The following CDKAL1 variants were observed in gnomAD, a reference collection of about 807,000 sequenced individuals.
CDKAL1 encodes the protein threonylcarbamoyladenosine tRNA methylthiotransferase.
In CDKAL1, 32 loss-of-function variants were observed where a neutral mutation model predicts 68.2. That is an observed-to-expected ratio of 0.47 (90% CI 0.35 to 0.63). The LOEUF is 0.63. CDKAL1 is among the 30% of genes least tolerant of loss of function. The pLI is 0.00. For missense variants in CDKAL1, 606 were observed against 696.7 expected, an observed-to-expected ratio of 0.87 and a Z score of 1.47; for synonymous variants, 234 against 244.3, an observed-to-expected ratio of 0.96 and a Z score of 0.39.
intron 8 of CDKAL1, among the ~76,000 whole-genome samples, chr6:20,783,506 C>A (rs1261853848): frequency 6.6e-6 from 1 of 152,182 alleles, no homozygotes; most frequent in East Asian, 1.9e-4. Context: ...ACTCCAGATT[C>A]TTCTCTGTCT....
rs1031401508 is a variant in CDKAL1 at position 21,046,558 on chromosome 6, G to A, written c.1056-18490G>A. On this transcript the variant is annotated intron_variant, in intron 11 of 15. Coordinates refer to ENST00000274695, the MANE Select transcript of CDKAL1 (RefSeq NM_017774.3). The stretch of plus-strand genomic sequence containing the variant: ...GGCTGTGGGGAGCTGTGAAGCAGCC[G>A]CAGCTGACAGGCCAGCCAGGCGTGG... Among the ~76,000 whole-genome samples the A allele has an allele frequency of 3.9e-5, 6 of 152,238 alleles. No individual in the cohort carries two copies. The East Asian group carries it at 7.7e-4, about 20-fold the overall frequency.
At chr6:21,167,566 C>A (rs1777203513) in intron 13 of CDKAL1, among the ~76,000 whole-genome samples, 1 of 152,222 alleles carries the variant, frequency 6.6e-6, no homozygotes, top group African/African-American at 2.4e-5. Context: ...CTCTCGTTCA[C>A]ATCAAATTGA....
chr6:20,744,018 CT>C (rs1773565833), intron 6 of CDKAL1, among the ~76,000 whole-genome samples: 1 of 152,094 alleles, frequency 6.6e-6, no homozygotes, highest in African/African-American at 2.4e-5. Context: ...CTTTTTGTCT[CT>C]TTTTAGGATC....
At chr6:21,220,892 C>G (rs755772440) in intron 15 of CDKAL1, among the ~76,000 whole-genome samples, 77 of 152,236 alleles carry the variant, frequency 5.1e-4, no homozygotes, top group Non-Finnish European at 9.1e-4. Context: ...GTGGGCCAGG[C>G]ACGGTGGCTC....
intron 5 of CDKAL1, among the ~76,000 whole-genome samples, chr6:20,652,614 CCT>C (rs1768825964): frequency 6.6e-6 from 1 of 152,066 alleles, no homozygotes; most frequent in South Asian, 2.1e-4. Flanking sequence ...CCCCTGTGCC[CCT>C]GTTAGCTATT....
chr6:20,882,118 G>T (rs1581756498), intron 9 of CDKAL1, among the ~76,000 whole-genome samples: 3 of 152,274 alleles, frequency 2.0e-5, no homozygotes, highest in East Asian at 3.9e-4. Context: ...TTGAGAAATG[G>T]CAGGTACAGG....
At chr6:20,889,970 T>A (rs1394765242) in intron 9 of CDKAL1, among the ~76,000 whole-genome samples, 1 of 152,110 alleles carries the variant, frequency 6.6e-6, no homozygotes, top group Non-Finnish European at 1.5e-5. Context: ...ACCAGGCTGG[T>A]CTCACACCCC....
intron 5 of CDKAL1, among the ~76,000 whole-genome samples, chr6:20,726,170 A>G (rs1022450327): frequency 6.6e-6 from 1 of 152,078 alleles, no homozygotes; most frequent in African/African-American, 2.4e-5. Flanking sequence ...ATAAGACCTC[A>G]TCTGCAGAAT....
At chr6:20,696,320 T>G (rs1417912488) in intron 5 of CDKAL1, among the ~76,000 whole-genome samples, 18 of 152,242 alleles carry the variant, frequency 1.2e-4, no homozygotes, top group Admixed American at 7.9e-4. Context: ...TTCGTGTTAC[T>G]GGGCACTCCT....
At chr6:20,670,444 C>T (rs1320160210) in intron 5 of CDKAL1, among the ~76,000 whole-genome samples, 3 of 152,176 alleles carry the variant, frequency 2.0e-5, no homozygotes, top group Non-Finnish European at 4.4e-5. Flanking sequence ...ACTGCCCACT[C>T]GTCCTTTTTG....
intron 10 of CDKAL1, among the ~76,000 whole-genome samples, chr6:20,972,738 C>G (rs201361): frequency 0.12 from 18,487 of 152,086 alleles, 1,350 homozygotes; most frequent in African/African-American, 0.21. Flanking sequence ...GATTTTAGAA[C>G]TCAGAGACCG....
intron 2 of CDKAL1, among the ~76,000 whole-genome samples, chr6:20,536,905 A>G (rs987417837): frequency 1.3e-5 from 2 of 152,244 alleles, no homozygotes; most frequent in East Asian, 3.8e-4. Flanking sequence ...ACCACTGGAC[A>G]TTGCTTTGCA....
intron 7 of CDKAL1, among the ~76,000 whole-genome samples, chr6:20,771,298 C>T (rs1219201778): frequency 1.3e-5 from 2 of 152,158 alleles, no homozygotes; most frequent in African/African-American, 4.8e-5. Context: ...ACACTTATCT[C>T]AACGGGTTGA....
chr6:20,568,851 T>G (rs1301871582), intron 4 of CDKAL1, among the ~76,000 whole-genome samples: 1 of 152,132 alleles, frequency 6.6e-6, no homozygotes, highest in Non-Finnish European at 1.5e-5. Context: ...CTCATCAGAC[T>G]CTTCCTTAAC....
At chr6:20,534,623 C>T (rs1283998703) in intron 1 of CDKAL1, 49 bp downstream of exon 1, 11 of 152,652 alleles carry the variant, frequency 7.2e-5, no homozygotes, top group Admixed American at 7.2e-4. Context: ...GCCACAGCTC[C>T]TTTTATGGCC....
At chr6:20,817,439 A>G (rs1777092948) in intron 8 of CDKAL1, among the ~76,000 whole-genome samples, 2 of 152,320 alleles carry the variant, frequency 1.3e-5, no homozygotes, top group African/African-American at 4.8e-5. Context: ...TTAGAAGGTC[A>G]GAGAAAGTAG....
At chr6:20,921,559 T>C (rs1217405509) in intron 9 of CDKAL1, among the ~76,000 whole-genome samples, 1 of 152,222 alleles carries the variant, frequency 6.6e-6, no homozygotes. Context: ...GTACTTTTCT[T>C]AGGAATTTTA....
chr6:20,623,721 G>A (rs1225296030), intron 4 of CDKAL1, among the ~76,000 whole-genome samples: 1 of 152,054 alleles, frequency 6.6e-6, no homozygotes, highest in Non-Finnish European at 1.5e-5. Context: ...GTATGCAGTA[G>A]ACCTTTATTT....
intron 13 of CDKAL1, among the ~76,000 whole-genome samples, chr6:21,126,444 T>C (rs936819189): frequency 4.6e-5 from 7 of 152,218 alleles, no homozygotes; most frequent in Admixed American, 6.5e-5. Context: ...GAATAAGTTA[T>C]GCTCATTGGC....
Sources: gnomAD v4.1 joint callset for allele counts (sites outside exome capture counted in the v4.1 genomes callset) on GRCh38, gnomAD v4.1.1 for gene constraint, MANE v1.5 for transcripts, NCBI Gene and HGNC (gene_info 2026-07-23, HGNC 2026-07-21) for gene names.